CHD2: variants seen among roughly 807,000 people sequenced by gnomAD.
The protein encoded by CHD2 is chromodomain helicase DNA binding protein 2.
In CHD2, 28 loss-of-function variants were observed where a neutral mutation model predicts 243.9. That is an observed-to-expected ratio of 0.11 (90% confidence interval 0.09 to 0.16). CHD2 has a LOEUF of 0.16. Among genes scored for constraint, CHD2 ranks in the 10% least tolerant of loss-of-function variants. The probability of loss-of-function intolerance (pLI) is 1.00; values close to 1 mark genes in which losing one functional copy is unlikely to be tolerated. For missense variants in CHD2, 1,386 were observed against 2,209.8 expected (o/e 0.63, Z 7.47); for synonymous variants, 775 against 779.0 (o/e 0.99, Z 0.09).
intron 28 of CHD2, among the ~76,000 whole-genome samples, chr15:92,995,334 A>G (rs1299109887): frequency 6.6e-6 from 1 of 152,228 alleles, no homozygotes; most frequent in Admixed American, 6.5e-5. Flanking sequence ...AAACATTTAC[A>G]TGGTTCAAAG....
chr15:92,970,573 A>T (rs2053828287), intron 17 of CHD2, among the ~76,000 whole-genome samples: 2 of 152,170 alleles, frequency 1.3e-5, no homozygotes, highest in Admixed American at 1.3e-4. Context: ...AATAAAAGCA[A>T]ATGCATTTTA....
At chr15:92,981,501 T>C in intron 24 of CHD2, 44 bp downstream of exon 24, 2 of 1,391,838 alleles carry the variant, frequency 1.4e-6, no homozygotes, top group Non-Finnish European at 2.0e-6. Flanking sequence ...ATTGATTCAT[T>C]AATGATGACT....
intron 2 of CHD2, chr15:92,904,263 C>G (rs1230501038): frequency 6.3e-6 from 1 of 158,522 alleles, no homozygotes; most frequent in Non-Finnish European, 1.4e-5. Flanking sequence ...CGCCAAACAG[C>G]AGGAAGTTGC....
chr15:93,000,649 T>G lies in CHD2; in HGVS notation c.4137+9T>G, dbSNP rs774237978. ...AAGAGGGAGAAGTGAAAGTATGAAG[T>G]GGGGTTTCGGTTGAGGGTTATTTAT... On this transcript the variant is annotated intron_variant, in intron 32 of 38. Transcript: ENST00000394196. The G allele has an allele frequency of 2.1e-5, 33 of 1,607,764 alleles. No individual in the cohort carries two copies. Among genetic ancestry groups the G allele is most frequent in the Non-Finnish European group, 2.8e-5 (33 of 1,177,488 alleles).
rs117421040 is a variant in CHD2 at position 92,954,635 on chromosome 15, C to T, written c.1720-788C>T. Among the ~76,000 whole-genome samples, 886 of 152,322 alleles carry T rather than the reference C, an allele frequency of 5.8e-3. 8 individuals are homozygous for T. The highest frequency in any genetic ancestry group is 0.037 in the Middle Eastern group (11 of 294). On this transcript the variant is annotated intron_variant, in intron 14 of 38. Transcript: ENST00000394196. Reference sequence around the variant, plus strand: ...GAAAAAAGAGAAATTTATAGGTTTACAAAATAGCGTAAAGCACTACATTCC... The same window carrying T: ...GAAAAAAGAGAAATTTATAGGTTTATAAAATAGCGTAAAGCACTACATTCC...
intron 26 of CHD2, among the ~76,000 whole-genome samples, chr15:92,988,044 G>A (rs2054067267): frequency 6.6e-6 from 1 of 150,962 alleles, no homozygotes. Context: ...ACCCATCAAT[G>A]CAGTTTTATA....
intron 28 of CHD2, among the ~76,000 whole-genome samples, chr15:92,995,304 T>G (rs2054173232): frequency 6.6e-6 from 1 of 152,234 alleles, no homozygotes; most frequent in Non-Finnish European, 1.5e-5. Context: ...AGATTCGATT[T>G]AATTTTTTTA....
At chr15:93,011,912 A>G (rs1457611763) in intron 35 of CHD2, among the ~76,000 whole-genome samples, 2 of 152,198 alleles carry the variant, frequency 1.3e-5, no homozygotes, top group Non-Finnish European at 2.9e-5. Flanking sequence ...GGTAGAGTCC[A>G]GAAAGTGAAG....
chr15:92,979,440 C>T (rs910831522), intron 22 of CHD2, among the ~76,000 whole-genome samples, 157 bp downstream of exon 22: 2 of 152,136 alleles, frequency 1.3e-5, no homozygotes, highest in African/African-American at 4.8e-5. Flanking sequence ...CTTTGAGTTT[C>T]TTGGTTCCTT....
At chr15:92,956,332 T>A in intron 15 of CHD2, 127 bp from the exon 16 acceptor site, 1 of 679,916 alleles carries the variant, frequency 1.5e-6, no homozygotes, top group Non-Finnish European at 2.5e-6. Flanking sequence ...ATATATATTG[T>A]CAGTGAAGAA....
intron 26 of CHD2, among the ~76,000 whole-genome samples, chr15:92,989,065 C>G (rs2054083243): frequency 8.0e-6 from 1 of 125,448 alleles, no homozygotes; most frequent in Non-Finnish European, 1.6e-5. Context: ...GAGTTTTGCT[C>G]CTATCACCCA....
chr15:92,972,007 C>G (rs2053847962), intron 18 of CHD2, 80 bp downstream of exon 18: 6 of 1,418,522 alleles, frequency 4.2e-6, no homozygotes, highest in Non-Finnish European at 5.7e-6. Context: ...GCTCTATTTC[C>G]TTGTTGGTGA....
At chr15:92,987,584 G>A (rs2054059399) in intron 26 of CHD2, among the ~76,000 whole-genome samples, 1 of 150,952 alleles carries the variant, frequency 6.6e-6, no homozygotes, top group Non-Finnish European at 1.5e-5. Flanking sequence ...CTCCAGCCTG[G>A]GTGACAGAGC....
intron 36 of CHD2, among the ~76,000 whole-genome samples, chr15:93,014,061 T>C (rs1292090433): frequency 1.3e-5 from 2 of 151,994 alleles, no homozygotes; most frequent in Non-Finnish European, 2.9e-5. Context: ...CATGGAAAGA[T>C]TTTCACAATA....
At chr15:92,922,858 T>G (rs1182145694) in intron 2 of CHD2, among the ~76,000 whole-genome samples, 1 of 152,120 alleles carries the variant, frequency 6.6e-6, no homozygotes, top group Non-Finnish European at 1.5e-5. Flanking sequence ...AAGATGAGGA[T>G]ATTGTTTTCT....
At chr15:93,016,127 G>A (rs1309180076) in intron 37 of CHD2, among the ~76,000 whole-genome samples, 1 of 152,222 alleles carries the variant, frequency 6.6e-6, no homozygotes, top group Admixed American at 6.5e-5. Context: ...CAGCAGGTGA[G>A]TGGATAAAGA....
chr15:92,943,030 A>G lies in CHD2; in HGVS notation c.1014A>G (p.Leu338=), dbSNP rs1441898494. Residue 338 remains leucine, a synonymous_variant, in exon 9 of 39, where the codon CTA becomes CTG. Transcript: ENST00000394196. ...QQQKVKGLKK[L]ENFKKKEDEI... ...AGAAAGTGAAGGGCCTAAAAAAACTAGAGAACTTCAAGAAAAAAGAGGACG... is the reference window on the plus strand; with the variant it reads ...AGAAAGTGAAGGGCCTAAAAAAACTGGAGAACTTCAAGAAAAAAGAGGACG... 4 of 1,613,940 alleles carry G rather than the reference A, an allele frequency of 2.5e-6. No individual in the cohort carries two copies. The highest frequency in any genetic ancestry group is 3.4e-6 in the Non-Finnish European group (4 of 1,179,936).
At chr15:93,014,309 C>G (rs904485267) in intron 36 of CHD2, among the ~76,000 whole-genome samples, 2 of 152,042 alleles carry the variant, frequency 1.3e-5, no homozygotes, top group East Asian at 1.9e-4. Context: ...GGAGTTAGTT[C>G]CCACTGGACA....
chr15:92,917,794 C>T (rs1416173598), intron 2 of CHD2, among the ~76,000 whole-genome samples: 2 of 152,158 alleles, frequency 1.3e-5, no homozygotes, highest in Admixed American at 6.5e-5. Context: ...CACGCACATA[C>T]ACACACACAC....
Sources: allele counts gnomAD v4.1 joint callset (sites outside exome capture counted in the v4.1 genomes callset), GRCh38; gene constraint gnomAD v4.1.1; transcripts MANE v1.5; gene names NCBI Gene and HGNC (gene_info 2026-07-23, HGNC 2026-07-21).